The following OSBPL2 variants were observed in gnomAD, a reference collection of about 807,000 sequenced individuals.
OSBPL2 encodes the protein oxysterol binding protein like 2.
OSBPL2 carries 18 observed loss-of-function variants against 58.4 expected under a neutral mutation model. The ratio of observed to expected loss-of-function variants is 0.31; its 90% confidence interval spans 0.21 to 0.46. OSBPL2 has a LOEUF of 0.46. OSBPL2 is among the 20% of genes least tolerant of loss of function. The pLI, the probability that OSBPL2 is intolerant of heterozygous loss-of-function variation, is 1.00. For missense variants in OSBPL2, 461 were observed against 616.5 expected, an observed-to-expected ratio of 0.75 and a Z score of 2.67; for synonymous variants, 221 against 234.1, an observed-to-expected ratio of 0.94 and a Z score of 0.51.
At chr20:62,279,551 C>G in intron 7 of OSBPL2, 1 of 578,694 alleles carries the variant, frequency 1.7e-6, no homozygotes, top group South Asian at 2.2e-5. Context: ...TGGAATTCGC[C>G]CCCCTTTCGG....
chr20:62,271,805 C>T (rs759488088), intron 4 of OSBPL2: 17 of 285,838 alleles, frequency 5.9e-5, no homozygotes, highest in Non-Finnish European at 9.3e-5. Flanking sequence ...GGGGAGGGGG[C>T]GCAGGTGGGC....
intron 4 of OSBPL2, among the ~76,000 whole-genome samples, chr20:62,265,967 T>G (rs1293549327): frequency 2.0e-5 from 3 of 151,928 alleles, no homozygotes; most frequent in Admixed American, 1.3e-4. Flanking sequence ...CAAAAAAATT[T>G]AAAAGATTAG....
At chr20:62,241,696 T>C (rs1979750852) in intron 1 of OSBPL2, among the ~76,000 whole-genome samples, 1 of 152,256 alleles carries the variant, frequency 6.6e-6, no homozygotes, top group Admixed American at 6.5e-5. Flanking sequence ...GACGGATTAC[T>C]ATGTGGAATC....
chr20:62,268,777 T>A (rs1030278226), intron 4 of OSBPL2, among the ~76,000 whole-genome samples: 6 of 152,010 alleles, frequency 3.9e-5, no homozygotes, highest in African/African-American at 1.5e-4. Flanking sequence ...TTTTAAAAAA[T>A]TTTTTGGCAG....
At chr20:62,271,719 T>C (rs541088483) in intron 4 of OSBPL2, 92 of 183,334 alleles carry the variant, frequency 5.0e-4, no homozygotes, top group Non-Finnish European at 5.0e-4. Flanking sequence ...CCCAGGGTGC[T>C]TGGATTTTAG....
intron 4 of OSBPL2, 39 bp downstream of exon 4, chr20:62,263,730 C>G (rs1429102717): frequency 6.4e-7 from 1 of 1,552,346 alleles, no homozygotes; most frequent in African/African-American, 1.4e-5. Context: ...GGGGCTGCAC[C>G]ACTGACTCCT....
chr20:62,286,305 C>T (rs1277612989), intron 10 of OSBPL2: 5 of 290,036 alleles, frequency 1.7e-5, no homozygotes, highest in Non-Finnish European at 3.3e-5. Flanking sequence ...AAACAATTAG[C>T]CGGGCATGGT....
chr20:62,268,258 A>G (rs540138882), intron 4 of OSBPL2, among the ~76,000 whole-genome samples: 2 of 152,090 alleles, frequency 1.3e-5, no homozygotes, highest in African/African-American at 4.8e-5. Flanking sequence ...CCACCAAAGG[A>G]ATGACATAGG....
chr20:62,251,192 T>G (rs1980508057), intron 1 of OSBPL2, among the ~76,000 whole-genome samples: 1 of 149,172 alleles, frequency 6.7e-6, no homozygotes, highest in Admixed American at 6.7e-5. Context: ...TACAGGCGCC[T>G]GCCACTGCGC....
At chr20:62,274,353 G>A (rs896147093) in intron 6 of OSBPL2, among the ~76,000 whole-genome samples, 5 of 152,234 alleles carry the variant, frequency 3.3e-5, no homozygotes, top group African/African-American at 1.2e-4. Flanking sequence ...CCGGGGAGCT[G>A]TGGATGAGAG....
rs867324765 is a variant in OSBPL2, at chr20:62,278,224, A to C, written c.492-933A>C. The C allele has an allele frequency of 1.2e-4, 20 of 173,560 alleles. No individual in the cohort carries two copies. In the South Asian group the frequency reaches 1.4e-3, roughly 12 times the overall value. 10.8% of individuals were successfully genotyped at this position (173,560 alleles called of 1,614,324 possible). On this transcript the variant is annotated intron_variant, in intron 6 of 13. Transcript: ENST00000313733. ...CCAGCGTTAGGCCAAGTGCGATGTC[A>C]TGTTTGTGTGTGTGTCTGTTGCCAA...
intron 2 of OSBPL2, among the ~76,000 whole-genome samples, chr20:62,258,407 T>C (rs1981075684): frequency 6.6e-6 from 1 of 152,218 alleles, no homozygotes; most frequent in African/African-American, 2.4e-5. Context: ...TCATTAGGCA[T>C]TTAATTTGTC....
chr20:62,267,400 T>A (rs1981751051), intron 4 of OSBPL2, among the ~76,000 whole-genome samples: 1 of 152,146 alleles, frequency 6.6e-6, no homozygotes, highest in African/African-American at 2.4e-5. Flanking sequence ...CTTTGGTCAG[T>A]GAGAGTCTCT....
intron 6 of OSBPL2, among the ~76,000 whole-genome samples, chr20:62,276,318 A>G (rs1982386587): frequency 6.6e-6 from 1 of 152,206 alleles, no homozygotes; most frequent in Admixed American, 6.5e-5. Context: ...GTGCGTGCCC[A>G]TGTTTGTCCT....
chr20:62,244,641 C>A (rs4925223), intron 1 of OSBPL2, among the ~76,000 whole-genome samples: 60,363 of 152,186 alleles, frequency 0.4, 12,853 homozygotes, highest in East Asian at 0.52. Flanking sequence ...AGGTAATGTT[C>A]CTCGAGGTGC....
chr20:62,293,814 C>G lies in OSBPL2; in HGVS notation c.1370C>G (p.Thr457Ser). ...TTCTACCCAGGCAATAACCCCTACA[C>G]TGGGACCCCCGACTGGTTGTATGCA... is the stretch of plus-strand genomic sequence containing the variant. ...RWFYPGNNPY[T>S]GTPDWLYAGD... Residue 457 changes from threonine (T) to serine (S), a missense_variant, in exon 14 of 14, where the codon ACT becomes AGT. Transcript: ENST00000313733. The G allele has an allele frequency of 6.2e-7, 1 of 1,614,174 alleles. No individual in the cohort carries two copies. The highest frequency in any genetic ancestry group is 8.5e-7 in the Non-Finnish European group (1 of 1,180,024).
intron 1 of OSBPL2, among the ~76,000 whole-genome samples, chr20:62,239,391 A>G (rs1979567903): frequency 6.6e-6 from 1 of 152,170 alleles, no homozygotes. Flanking sequence ...TTAGGTCGTC[A>G]CAGCACCTCA....
intron 5 of OSBPL2, among the ~76,000 whole-genome samples, 182 bp downstream of exon 5, chr20:62,272,441 A>G (rs1982124111): frequency 6.6e-6 from 1 of 152,064 alleles, no homozygotes; most frequent in African/African-American, 2.4e-5. Context: ...TGATGACAGA[A>G]CTTGCCGGAA....
chr20:62,283,698 G>A (rs1047679506), intron 9 of OSBPL2, among the ~76,000 whole-genome samples: 10 of 152,130 alleles, frequency 6.6e-5, no homozygotes, highest in Admixed American at 3.3e-4. Context: ...GCCCCTTCCC[G>A]TCTCCTGCAG....
Sources: allele counts gnomAD v4.1 joint callset (sites outside exome capture counted in the v4.1 genomes callset), GRCh38; gene constraint gnomAD v4.1.1; transcripts MANE v1.5; gene names NCBI Gene and HGNC (gene_info 2026-07-23, HGNC 2026-07-21).